APP: variants seen among roughly 807,000 people sequenced by gnomAD.
The protein encoded by APP is amyloid beta precursor protein, also known as amyloid-beta precursor protein.
A neutral mutation model predicts 101.4 loss-of-function variants in APP; 31 were observed. The observed-to-expected ratio is 0.31, with a 90% CI of 0.23 to 0.41. The LOEUF (loss-of-function observed/expected upper bound fraction) is 0.41. Among genes scored for constraint, APP ranks in the 10% least tolerant of loss-of-function variants. The pLI is 1.00. For synonymous variants in APP, 366 were observed against 364.4 expected (o/e 1.00, Z -0.05); for missense variants, 839 against 1,003.7 (o/e 0.84, Z 2.22).
At position 25,976,026 on chromosome 21, in the gene APP, G is replaced by T; in HGVS notation, c.1227C>A (p.Val409=). Residue 409 remains valine, a splice_region_variant and synonymous_variant, in exon 10 of 18, where the codon GTC becomes GTA. Transcript: ENST00000346798. Reference sequence around the variant, plus strand: ...GTTCTGCCTCTTCCCATTCTCTCATGACCTATAAATTAAGGAAACATTTGA... The same window carrying T: ...GTTCTGCCTCTTCCCATTCTCTCATTACCTATAAATTAAGGAAACATTTGA... The part of the protein sequence containing the change: ...EAKHRERMSQ[V]MREWEEAERQ... 2 of 1,612,482 alleles carry T rather than the reference G, an allele frequency of 1.2e-6. No homozygotes were observed. Among genetic ancestry groups the T allele is most frequent in the South Asian group, 2.2e-5 (2 of 91,010 alleles).
chr21:25,990,187 G>A (rs995614502), intron 8 of APP, among the ~76,000 whole-genome samples: 4 of 152,180 alleles, frequency 2.6e-5, no homozygotes. Flanking sequence ...AGTTGGTGGA[G>A]AACACTATCA....
intron 2 of APP, among the ~76,000 whole-genome samples, chr21:26,094,499 A>T (rs1293101566): frequency 1.3e-5 from 2 of 151,888 alleles, no homozygotes; most frequent in African/African-American, 4.8e-5. Flanking sequence ...GTTTTTATTA[A>T]ATAACCCCAG....
intron 6 of APP, among the ~76,000 whole-genome samples, chr21:26,002,974 T>G (rs1312095384): frequency 6.6e-6 from 1 of 152,236 alleles, no homozygotes; most frequent in African/African-American, 2.4e-5. Flanking sequence ...AGATGATTCA[T>G]GATAACTATG....
intron 13 of APP, among the ~76,000 whole-genome samples, chr21:25,940,313 T>A (rs1254912153): frequency 6.6e-6 from 1 of 152,126 alleles, no homozygotes; most frequent in Non-Finnish European, 1.5e-5. Flanking sequence ...TCCACAGATA[T>A]GCCAGTGTAT....
At chr21:26,017,673 G>A (rs533428078) in intron 6 of APP, among the ~76,000 whole-genome samples, 1 of 152,200 alleles carries the variant, frequency 6.6e-6, no homozygotes, top group African/African-American at 2.4e-5. Context: ...TTAAATAAAA[G>A]ATTATGCCAT....
At chr21:26,161,623 G>T (rs1601600173) in intron 1 of APP, among the ~76,000 whole-genome samples, 2 of 151,476 alleles carry the variant, frequency 1.3e-5, no homozygotes, top group South Asian at 4.2e-4. Flanking sequence ...AATTTAATAT[G>T]TAAGTATCTA....
At chr21:26,071,130 A>G (rs1194460742) in intron 3 of APP, among the ~76,000 whole-genome samples, 1 of 152,192 alleles carries the variant, frequency 6.6e-6, no homozygotes, top group East Asian at 1.9e-4. Flanking sequence ...CGGATTCGGC[A>G]GTTTAAAATT....
chr21:26,099,713 TCTAA>T (rs1281111746), intron 2 of APP, among the ~76,000 whole-genome samples: 2 of 152,202 alleles, frequency 1.3e-5, no homozygotes, highest in Non-Finnish European at 2.9e-5. Flanking sequence ...AAATACAATC[TCTAA>T]CTTAATTGAG....
At chr21:26,096,244 G>A (rs1167662494) in intron 2 of APP, among the ~76,000 whole-genome samples, 1 of 152,104 alleles carries the variant, frequency 6.6e-6, no homozygotes, top group Non-Finnish European at 1.5e-5. Context: ...GCCTCACATC[G>A]CTATTAAGTT....
At chr21:25,892,286 A>T (rs183603013) in intron 16 of APP, among the ~76,000 whole-genome samples, 1 of 152,232 alleles carries the variant, frequency 6.6e-6, no homozygotes, top group Admixed American at 6.5e-5. Context: ...TAATGAAAGG[A>T]GGTCAGCATT....
chr21:25,926,951 C>A (rs920569803), intron 13 of APP, among the ~76,000 whole-genome samples: 1 of 134,044 alleles, frequency 7.5e-6, no homozygotes, highest in African/African-American at 2.8e-5. Context: ...TGCAGTGAGC[C>A]GAGATCGCGC....
chr21:26,012,178 A>T (rs1198641624), intron 6 of APP, among the ~76,000 whole-genome samples: 4 of 146,430 alleles, frequency 2.7e-5, no homozygotes, highest in East Asian at 4.0e-4. Flanking sequence ...CAAAACAACA[A>T]TTTTTTTTTT....
intron 9 of APP, among the ~76,000 whole-genome samples, chr21:25,978,607 T>C (rs1304281471): frequency 6.6e-6 from 1 of 152,212 alleles, no homozygotes; most frequent in Non-Finnish European, 1.5e-5. Context: ...AGTTTATTTA[T>C]ATTTAGTGAC....
intron 8 of APP, among the ~76,000 whole-genome samples, chr21:25,983,872 G>C (rs1405929874): frequency 6.6e-6 from 1 of 152,174 alleles, no homozygotes; most frequent in East Asian, 1.9e-4. Context: ...AGGAAGGAAG[G>C]AAAGAGTCAT....
At chr21:26,077,526 C>A (rs1162028108) in intron 3 of APP, among the ~76,000 whole-genome samples, 1 of 152,158 alleles carries the variant, frequency 6.6e-6, no homozygotes, top group Admixed American at 6.5e-5. Context: ...TTCTATGCAT[C>A]CATCAATACT....
At chr21:26,003,045 T>C (rs1311963955) in intron 6 of APP, among the ~76,000 whole-genome samples, 1 of 152,196 alleles carries the variant, frequency 6.6e-6, no homozygotes, top group East Asian at 1.9e-4. Context: ...ATCTCCCCAG[T>C]CCAGAATCTA....
intron 5 of APP, among the ~76,000 whole-genome samples, chr21:26,050,553 A>T (rs945519732): frequency 1.3e-5 from 2 of 152,188 alleles, no homozygotes; most frequent in Non-Finnish European, 2.9e-5. Flanking sequence ...AAGAAATGAT[A>T]AAAGGCCAAA....
At chr21:25,903,845 C>T (rs189267515) in intron 15 of APP, among the ~76,000 whole-genome samples, 34 of 152,312 alleles carry the variant, frequency 2.2e-4, no homozygotes, top group Middle Eastern at 3.4e-3. Flanking sequence ...GCTGTCAAGA[C>T]GTGTCACACT....
intron 6 of APP, among the ~76,000 whole-genome samples, chr21:26,021,631 C>T (rs892055406): frequency 6.6e-6 from 1 of 151,940 alleles, no homozygotes; most frequent in African/African-American, 2.4e-5. Context: ...ATACAAGGTA[C>T]AAAACAAACT....
Sources: gnomAD v4.1 joint callset for allele counts (sites outside exome capture counted in the v4.1 genomes callset) on GRCh38, gnomAD v4.1.1 for gene constraint, MANE v1.5 for transcripts, NCBI Gene and HGNC (gene_info 2026-07-23, HGNC 2026-07-21) for gene names.